The following CCDC148 variants were observed in gnomAD, a reference collection of about 807,000 sequenced individuals.
The protein encoded by CCDC148 is coiled-coil domain containing 148.
A neutral mutation model predicts 85.7 loss-of-function variants in CCDC148; 89 were observed. The ratio of observed to expected loss-of-function variants is 1.04; its 90% CI spans 0.87 to 1.24. The LOEUF (loss-of-function observed/expected upper bound fraction) is 1.24. CCDC148 is among the 50% of genes most tolerant of loss of function. CCDC148 has a pLI of 0.00. For missense variants in CCDC148, 692 were observed against 671.7 expected (o/e 1.03, Z -0.33); for synonymous variants, 230 against 213.9 (o/e 1.08, Z -0.66).
At chr2:158,298,767 TC>T (rs1263341274) in intron 9 of CCDC148, among the ~76,000 whole-genome samples, 2 of 152,216 alleles carry the variant, frequency 1.3e-5, no homozygotes, top group Admixed American at 1.3e-4. Context: ...ATTCATTTTT[TC>T]CATGTTTACT....
At chr2:158,356,336 C>T (rs1477658311) in intron 2 of CCDC148, among the ~76,000 whole-genome samples, 2 of 143,332 alleles carry the variant, frequency 1.4e-5, no homozygotes, top group East Asian at 4.1e-4. Context: ...ACTCATCTGA[C>T]AAAGGGCTAA....
At chr2:158,267,888 A>G (rs1415007802) in intron 9 of CCDC148, among the ~76,000 whole-genome samples, 2 of 152,152 alleles carry the variant, frequency 1.3e-5, no homozygotes, top group Non-Finnish European at 2.9e-5. Context: ...AGCATAATGT[A>G]TCTGATGCTC....
chr2:158,272,635 T>C (rs1475069287), intron 9 of CCDC148, among the ~76,000 whole-genome samples: 4 of 152,178 alleles, frequency 2.6e-5, no homozygotes, highest in African/African-American at 4.8e-5. Context: ...TGTGCCGAGA[T>C]GGATGTATAG....
intron 10 of CCDC148, among the ~76,000 whole-genome samples, chr2:158,223,283 AT>A (rs1388640278): frequency 6.6e-6 from 1 of 152,134 alleles, no homozygotes; most frequent in African/African-American, 2.4e-5. Context: ...GACACCCGCC[AT>A]TGCTGAGGCT....
chr2:158,254,764 G>A (rs1032475135), intron 9 of CCDC148, among the ~76,000 whole-genome samples: 1 of 151,366 alleles, frequency 6.6e-6, no homozygotes, highest in Non-Finnish European at 1.5e-5. Flanking sequence ...AAACTAAGGG[G>A]AATCGTCATT....
At chr2:158,239,321 C>T (rs1688250122) in intron 10 of CCDC148, among the ~76,000 whole-genome samples, 1 of 151,532 alleles carries the variant, frequency 6.6e-6, no homozygotes, top group Non-Finnish European at 1.5e-5. Context: ...TCCCCACCCA[C>T]CCCTGGCTTT....
In CCDC148 at chr2:158,366,224, CT is replaced by C. The variant is rs1684197235; in HGVS notation, c.26-7655del. 3 of 532,858 alleles carry C rather than the reference CT, an allele frequency of 5.6e-6. No homozygotes were observed. The Admixed American group carries it at 1.1e-4, about 20-fold the overall frequency. The allele number at this position is 532,858 out of a possible 1,614,324, so 33.0% of individuals were successfully genotyped here. On this transcript the variant is annotated intron_variant, in intron 1 of 13. Transcript: ENST00000283233. ...TTATTAAAATTTGCTTTTCTTGCCC[CT>C]AGAAGCCTCCCTCTGTTAGTGTTTT...
chr2:158,321,675 C>T (rs73968917), intron 7 of CCDC148, among the ~76,000 whole-genome samples: 1,709 of 152,254 alleles, frequency 0.011, 28 homozygotes, highest in African/African-American at 0.038. Flanking sequence ...CATCAAGCAA[C>T]GGTCATATAT....
intron 7 of CCDC148, among the ~76,000 whole-genome samples, chr2:158,317,860 T>C (rs188779388): frequency 6.8e-4 from 103 of 152,350 alleles, no homozygotes; most frequent in African/African-American, 2.4e-3. Context: ...TAGTGCCTCC[T>C]GAAGCTAGCT....
chr2:158,373,431 T>A (rs16842905), intron 1 of CCDC148, among the ~76,000 whole-genome samples: 2 of 152,122 alleles, frequency 1.3e-5, no homozygotes, highest in African/African-American at 2.4e-5. Flanking sequence ...CTTTGATATC[T>A]CTCTCATTTG....
In CCDC148 at chr2:158,387,288, T is replaced by TTATCTATATCTATATCTA. The variant is rs3080062; in HGVS notation, c.26-28736_26-28719dup. 4.1e-3 allele frequency among the ~76,000 whole-genome samples: 618 copies of TTATCTATATCTATATCTA among 150,580 alleles called. 3 individuals carry two copies. The highest frequency in any genetic ancestry group is 0.014 in the African/African-American group (588 of 40,976). On this transcript the variant is annotated intron_variant, in intron 1 of 13. Coordinates refer to ENST00000283233, the MANE Select transcript of CCDC148 (RefSeq NM_138803.4). ...AACACAGGCCCACACATTTATATCA[T>TTATCTATATCTATATCTA]TATCTATATCTATATCTATATCTAT...
At chr2:158,189,656 A>G (rs1026432090) in intron 11 of CCDC148, among the ~76,000 whole-genome samples, 1 of 152,008 alleles carries the variant, frequency 6.6e-6, no homozygotes, top group Admixed American at 6.6e-5. Flanking sequence ...CTGATAACAG[A>G]AACCTTTCTC....
Position 158,262,969 on chromosome 2 carries a change from T to C in CCDC148, c.1111-12057A>G, listed in dbSNP as rs192966031. On this transcript the variant is annotated intron_variant, in intron 9 of 13. Transcript: ENST00000283233. Reference sequence around the variant, plus strand: ...AGGGCCAGATGAGTACCATCTAGCATGTCACTACGTGATTACGTGATTTCA... The same window carrying C: ...AGGGCCAGATGAGTACCATCTAGCACGTCACTACGTGATTACGTGATTTCA... Among the ~76,000 whole-genome samples, 65 of 152,218 alleles carry C rather than the reference T, an allele frequency of 4.3e-4. 1 individual carries two copies. In the East Asian group the frequency reaches 0.011, roughly 27 times the overall value.
intron 1 of CCDC148, among the ~76,000 whole-genome samples, chr2:158,441,739 T>C (rs908975859): frequency 1.3e-5 from 2 of 152,192 alleles, no homozygotes; most frequent in African/African-American, 2.4e-5. Flanking sequence ...TTTAGTATTA[T>C]TTTACTTCTG....
chr2:158,426,612 G>A (rs1125992), intron 1 of CCDC148, among the ~76,000 whole-genome samples: 128,910 of 152,128 alleles, frequency 0.85, 56,627 homozygotes, highest in Non-Finnish European at 0.96. Context: ...GGCATTCAGT[G>A]TAGTTAATTG....
chr2:158,176,750 T>C, intron 12 of CCDC148, 89 bp from the exon 13 acceptor site: 1 of 1,435,920 alleles, frequency 7.0e-7, no homozygotes, highest in South Asian at 1.3e-5. Flanking sequence ...CCATTAAAGT[T>C]AAGAAATTTT....
intron 11 of CCDC148, among the ~76,000 whole-genome samples, chr2:158,194,193 A>T (rs1331294752): frequency 6.6e-6 from 1 of 152,052 alleles, no homozygotes; most frequent in Non-Finnish European, 1.5e-5. Flanking sequence ...TTTAATAAAA[A>T]TTTCTACCCT....
At chr2:158,271,788 G>A (rs1689711021) in intron 9 of CCDC148, among the ~76,000 whole-genome samples, 1 of 152,060 alleles carries the variant, frequency 6.6e-6, no homozygotes, top group Non-Finnish European at 1.5e-5. Context: ...ATGGATAAGG[G>A]GGAACTATTA....
At chr2:158,331,520 T>C (rs959611907) in intron 7 of CCDC148, among the ~76,000 whole-genome samples, 1 of 152,216 alleles carries the variant, frequency 6.6e-6, no homozygotes, top group African/African-American at 2.4e-5. Flanking sequence ...ATGTCTATTA[T>C]GTCCGCTTGG....
Sources: gnomAD v4.1 joint callset for allele counts (sites outside exome capture counted in the v4.1 genomes callset) on GRCh38, gnomAD v4.1.1 for gene constraint, MANE v1.5 for transcripts, NCBI Gene and HGNC (gene_info 2026-07-23, HGNC 2026-07-21) for gene names.